PRDM13: variants seen among roughly 807,000 people sequenced by gnomAD.
The protein encoded by PRDM13 is PR/SET domain 13, also known as PR domain zinc finger protein 13.
A neutral mutation model predicts 36.4 loss-of-function variants in PRDM13; 15 were observed. The observed-to-expected ratio is 0.41, with a 90% confidence interval of 0.28 to 0.64. The LOEUF (loss-of-function observed/expected upper bound fraction) is 0.64, where lower values mean the gene tolerates loss of function less well. Ranked by LOEUF, PRDM13 falls within the 30% of genes least tolerant of loss-of-function variation. The pLI is 0.29. For missense variants in PRDM13, 1,044 were observed against 1,013.5 expected, an observed-to-expected ratio of 1.03 and a Z score of -0.41; for synonymous variants, 531 against 467.7, an observed-to-expected ratio of 1.14 and a Z score of -1.75.
intron 1 of PRDM13, 118 bp from the exon 2 acceptor site, chr6:99,608,623 C>T: frequency 7.1e-7 from 1 of 1,401,450 alleles, no homozygotes; most frequent in Non-Finnish European, 9.5e-7. Flanking sequence ...CCATAGTGGT[C>T]TGGCCAAACC....
chr6:99,606,878 T>A lies in PRDM13; in HGVS notation c.-157T>A. On this transcript the variant is annotated 5_prime_UTR_variant, in exon 1 of 4. It adds an upstream start codon to the 5' untranslated region. Transcript: ENST00000369215. Reference sequence around the variant, plus strand: ...CGGTGCCAAAAGGCTCCCGCCCCGATTGAAAAGGCGCAGTGCATGCCCGCC... The same window carrying A: ...CGGTGCCAAAAGGCTCCCGCCCCGAATGAAAAGGCGCAGTGCATGCCCGCC... 1 of 996,908 alleles carries A rather than the reference T, an allele frequency of 1.0e-6. No homozygotes were observed. The highest frequency in any genetic ancestry group is 1.4e-6 in the Non-Finnish European group (1 of 714,806). 61.8% of individuals were successfully genotyped at this position (996,908 alleles called of 1,614,324 possible).
Position 99,613,299 on chromosome 6 carries a change from G to A in PRDM13, c.664G>A (p.Gly222Ser). ...GGGCCCGCCACCAGTTCAGGCCTGC[G>A]GTGCGCGGGAGGGCATCAAGCGCGA... ...PLGPPPVQAC[G>S]AREGIKREAS... Residue 222 changes from glycine to serine, a missense_variant, in exon 4 of 4, where the codon GGT becomes AGT. Physicochemically the swap from Gly to Ser is moderately conservative, Grantham distance 56. Transcript: ENST00000369215. This position sits in a 1 kb window ranked among gnomAD's most constrained non-coding sequence, Gnocchi z 6.1. 6.3e-7 allele frequency: 1 copy of A among 1,576,466 alleles called. No individual in the cohort carries two copies. The highest frequency in any genetic ancestry group is 8.6e-7 in the Non-Finnish European group (1 of 1,163,398).
chr6:99,608,615 A>T lies in PRDM13; in HGVS notation c.145-126A>T, dbSNP rs1769986555. The T allele has an allele frequency of 2.3e-6, 3 of 1,304,470 alleles. No individual in the cohort carries two copies. The East Asian group carries it at 7.5e-5, about 33-fold the overall frequency. The allele number at this position is 1,304,470 out of a possible 1,614,324, so 80.8% of individuals were successfully genotyped here. On this transcript the variant is annotated intron_variant, in intron 1 of 3. Coordinates refer to ENST00000369215, the MANE Select transcript of PRDM13 (RefSeq NM_021620.4). ...GGAATTCTCCTCCTCCCAGTAGCCC[A>T]TAGTGGTCTGGCCAAACCAAAAACA... is the stretch of plus-strand genomic sequence containing the variant.
chr6:99,610,913 A>T (rs777217077), intron 3 of PRDM13, among the ~76,000 whole-genome samples: 3 of 152,202 alleles, frequency 2.0e-5, no homozygotes, highest in African/African-American at 4.8e-5. Flanking sequence ...TCATATGGTA[A>T]CAGATGTCAA....
rs879797124 is a variant in PRDM13 at position 99,608,821 on chromosome 6, A to C, written c.225A>C (p.Arg75Ser). ...LEWIGLIRAA[R>S]NSQEQTLEAI... ...GGATAGGGTTAATCCGGGCAGCCAG[A>C]AACTCCCAGGAACAGACTCTGGAAG... Residue 75 changes from arginine to serine, a missense_variant, in exon 2 of 4, where the codon AGA becomes AGC. Arg to Ser is a moderately radical substitution (Grantham distance 110). Coordinates refer to ENST00000369215, the MANE Select transcript of PRDM13 (RefSeq NM_021620.4). The C allele has an allele frequency of 6.2e-7, 1 of 1,613,924 alleles. No individual in the cohort carries two copies.
Position 99,606,992 on chromosome 6 carries a change from G to C in PRDM13, c.-43G>C, listed in dbSNP as rs1769954640. 1 of 1,562,568 alleles carries C rather than the reference G, an allele frequency of 6.4e-7. No homozygotes were observed. The highest frequency in any genetic ancestry group is 1.4e-5 in the African/African-American group (1 of 73,186). On this transcript the variant is annotated 5_prime_UTR_variant, in exon 1 of 4. Coordinates refer to ENST00000369215, the MANE Select transcript of PRDM13 (RefSeq NM_021620.4). ...AGCTCTGTCACTCGCGCCCTTCCAA[G>C]GACCTGGAGCACCCGAGCGCCTGCC...
Position 99,614,021 on chromosome 6 carries a change from T to C in PRDM13, c.1386T>C (p.Phe462=), listed in dbSNP as rs778206647. The change falls in exon 4 of 4, where the codon TTT becomes TTC. Residue 462 remains phenylalanine, a synonymous_variant. Transcript: ENST00000369215. Reference sequence around the variant, plus strand: ...ACCTGCCCGCCGTCATGCCGGCCTTTACAGTCTACAACGGGGAGCTGCTCT... The same window carrying C: ...ACCTGCCCGCCGTCATGCCGGCCTTCACAGTCTACAACGGGGAGCTGCTCT... ...CSHLPAVMPA[F]TVYNGELLYG... is the part of the protein sequence containing the mutation. 1 of 1,610,490 alleles carries C rather than the reference T, an allele frequency of 6.2e-7. No homozygotes were observed. Among genetic ancestry groups the C allele is most frequent in the East Asian group, 2.2e-5 (1 of 44,634 alleles).
rs771065982 is a variant in PRDM13 at position 99,614,655 on chromosome 6, C to G, written c.2020C>G (p.Pro674Ala). Residue 674 changes from proline (P) to alanine (A), a missense_variant, in exon 4 of 4, where the codon CCG becomes GCG. Physicochemically the swap from Pro to Ala is conservative, Grantham distance 27. Coordinates refer to ENST00000369215, the MANE Select transcript of PRDM13 (RefSeq NM_021620.4). Reference protein sequence around the residue: ...DGPGAEPGYPPEPGDPKSDDS... With the variant: ...DGPGAEPGYPAEPGDPKSDDS... ...CCCGGGTGCCGAGCCCGGCTATCCC[C>G]CGGAGCCTGGGGATCCCAAGAGCGA... 87 of 1,612,160 alleles carry G rather than the reference C, an allele frequency of 5.4e-5. No individual in the cohort carries two copies. Among genetic ancestry groups the G allele is most frequent in the Non-Finnish European group, 7.1e-5 (84 of 1,179,754 alleles).
rs1770084846 is a variant in PRDM13, at chr6:99,613,961, C to T, written c.1326C>T (p.Gly442=). Residue 442 remains glycine, a synonymous_variant, in exon 4 of 4, where the codon GGC becomes GGT. Coordinates refer to ENST00000369215, the MANE Select transcript of PRDM13 (RefSeq NM_021620.4). The surrounding 1 kb of genome is among the most constrained non-coding windows in gnomAD (Gnocchi z 6.1). ...ERCALPPLDP[G]GLKAYPGGEC... is the part of the protein sequence containing the mutation. ...GCGCGCTGCCGCCCCTCGACCCGGG[C>T]GGTCTCAAAGCCTATCCGGGTGGTG... 6.3e-7 allele frequency: 1 copy of T among 1,593,820 alleles called. No individual in the cohort carries two copies. The highest frequency in any genetic ancestry group is 8.5e-7 in the Non-Finnish European group (1 of 1,173,362).
intron 2 of PRDM13, 28 bp from the exon 3 acceptor site, chr6:99,609,159 T>C (rs569369830): frequency 1.9e-6 from 3 of 1,611,780 alleles, no homozygotes; most frequent in African/African-American, 1.3e-5. Context: ...GGAAATGACA[T>C]TGAACTGTTC....
At chr6:99,612,928 C>T in intron 3 of PRDM13, 105 bp from the exon 4 acceptor site, 1 of 1,527,770 alleles carries the variant, frequency 6.5e-7, no homozygotes, top group Non-Finnish European at 8.8e-7. Flanking sequence ...CCTCTCCCCA[C>T]ACCGCTAGTC....
chr6:99,613,697 T>C lies in PRDM13; in HGVS notation c.1062T>C (p.His354=). 1 of 1,430,444 alleles carries C rather than the reference T, an allele frequency of 7.0e-7. No homozygotes were observed. Among genetic ancestry groups the C allele is most frequent in the Non-Finnish European group, 9.1e-7 (1 of 1,096,558 alleles). 88.6% of individuals were successfully genotyped at this position (1,430,444 alleles called of 1,614,324 possible). Residue 354 remains histidine (H), a synonymous_variant, in exon 4 of 4, where the codon CAT becomes CAC. Coordinates refer to ENST00000369215, the MANE Select transcript of PRDM13 (RefSeq NM_021620.4). This position sits in a 1 kb window ranked among gnomAD's most constrained non-coding sequence, Gnocchi z 6.1. ...NSAAGGAGHH[H]HHHAHHHHHP... is the part of the protein sequence containing the mutation. ...CGGCGGGCGGCGCGGGTCACCACCATCACCACCACGCGCACCACCACCACC... is the reference window on the plus strand; with the variant it reads ...CGGCGGGCGGCGCGGGTCACCACCACCACCACCACGCGCACCACCACCACC...
chr6:99,608,065 T>C (rs1415871648), intron 1 of PRDM13, among the ~76,000 whole-genome samples: 5 of 152,220 alleles, frequency 3.3e-5, no homozygotes, highest in Non-Finnish European at 5.9e-5. Context: ...TGCTTGGAGC[T>C]TTCTAGTAAA....
chr6:99,609,378 A>T (rs1350597646), intron 3 of PRDM13, 71 bp downstream of exon 3: 19 of 1,546,896 alleles, frequency 1.2e-5, no homozygotes, highest in Non-Finnish European at 1.4e-5. Context: ...GAGTCCCTAG[A>T]CATAGCTCGA....
At chr6:99,609,155 G>T in intron 2 of PRDM13, 32 bp from the exon 3 acceptor site, 1 of 1,610,402 alleles carries the variant, frequency 6.2e-7, no homozygotes, top group South Asian at 1.1e-5. Flanking sequence ...CCCAGGAAAT[G>T]ACATTGAACT....
chr6:99,612,755 G>A (rs1489290057), intron 3 of PRDM13, among the ~76,000 whole-genome samples: 3 of 152,152 alleles, frequency 2.0e-5, no homozygotes, highest in Admixed American at 6.5e-5. Context: ...CCCTTCCAAC[G>A]AAGATTTTGC....
At chr6:99,609,036 T>A in intron 2 of PRDM13, 151 bp from the exon 3 acceptor site, 1 of 1,374,068 alleles carries the variant, frequency 7.3e-7, no homozygotes, top group East Asian at 2.5e-5. Flanking sequence ...TTTTTCCGTT[T>A]GAAGGATGAC....
Position 99,613,633 on chromosome 6 carries a change from G to A in PRDM13, c.998G>A (p.Gly333Asp). 1.4e-6 allele frequency: 2 copies of A among 1,444,264 alleles called. No individual in the cohort carries two copies. The highest frequency in any genetic ancestry group is 1.4e-5 in the South Asian group (1 of 70,456). The allele number at this position is 1,444,264 out of a possible 1,614,324, so 89.5% of individuals were successfully genotyped here. The stretch of plus-strand genomic sequence containing the variant: ...GCTTTGGGCAGGCTGCTGGGCGGGG[G>A]CCGGGCGTGCGGGCGCCCCGGGAGC... ...GLALGRLLGG[G>D]RACGRPGSGE... The change falls in exon 4 of 4, where the codon GGC becomes GAC. Residue 333 changes from glycine (G) to aspartate (D), a missense_variant. This residue lies in a region of PRDM13 where 921 missense variants were observed against 865.2 expected (regional missense o/e 1.06). Transcript: ENST00000369215. The surrounding 1 kb of genome is among the most constrained non-coding windows in gnomAD (Gnocchi z 6.1).
Position 99,613,861 on chromosome 6 carries a change from C to G in PRDM13, c.1226C>G (p.Pro409Arg), listed in dbSNP as rs982635235. 1.5e-5 allele frequency: 22 copies of G among 1,507,646 alleles called. No homozygotes were observed. The highest frequency in any genetic ancestry group is 6.2e-5 in the South Asian group (5 of 80,618). The allele number at this position is 1,507,646 out of a possible 1,614,324, so 93.4% of individuals were successfully genotyped here. A position where few individuals can be genotyped will look rare whatever the true frequency, so the allele number is the denominator to read the frequency against. The change falls in exon 4 of 4, where the codon CCG becomes CGG. Residue 409 changes from proline to arginine, a missense_variant. This residue lies in a region of PRDM13 where 921 missense variants were observed against 865.2 expected (regional missense o/e 1.06). Transcript: ENST00000369215. This position sits in a 1 kb window ranked among gnomAD's most constrained non-coding sequence, Gnocchi z 6.1. ...GCCTTCAAGCACGTGGAGCGCGCCC[C>G]GCCCGCAGCCGCCGCGCTGCCAGGA... ...ASAFKHVERA[P>R]PAAAALPGAR...
Sources: allele counts gnomAD v4.1 joint callset (sites outside exome capture counted in the v4.1 genomes callset), GRCh38; gene constraint gnomAD v4.1.1; regional missense constraint gnomAD v4.1.1; non-coding constraint Gnocchi (gnomAD v3.1); transcripts MANE v1.5; gene names NCBI Gene and HGNC (gene_info 2026-07-23, HGNC 2026-07-21).